The following RRP12 variants were observed in gnomAD, a reference collection of about 807,000 sequenced individuals.
RRP12 encodes RRP12-like protein.
In RRP12, 78 loss-of-function variants were observed where a neutral mutation model predicts 157.3. That is an observed-to-expected ratio of 0.50 (90% confidence interval 0.41 to 0.60). The LOEUF (loss-of-function observed/expected upper bound fraction) is 0.60. Ranked by LOEUF, RRP12 falls within the 20% of genes least tolerant of loss-of-function variation. The pLI, the probability that RRP12 is intolerant of heterozygous loss-of-function variation, is 0.00. For missense variants in RRP12, 1,521 were observed against 1,679.9 expected, an observed-to-expected ratio of 0.91 and a Z score of 1.65; for synonymous variants, 726 against 670.9, an observed-to-expected ratio of 1.08 and a Z score of -1.27.
intron 6 of RRP12, among the ~76,000 whole-genome samples, chr10:97,389,975 A>G (rs1844755316): frequency 6.6e-6 from 1 of 152,170 alleles, no homozygotes; most frequent in Non-Finnish European, 1.5e-5. Flanking sequence ...GGCCTCCCAA[A>G]GTGCTGGGAT....
At chr10:97,390,624 G>A (rs1844776944) in intron 5 of RRP12, 85 bp from the exon 6 acceptor site, 9 of 1,353,146 alleles carry the variant, frequency 6.7e-6, no homozygotes, top group Admixed American at 3.4e-5. Context: ...CCAGAAAATC[G>A]CATCTGTCTG....
chr10:97,367,496 TTGCTAAATGGCCATAGA>T (rs1844023255), intron 25 of RRP12: 1 of 259,222 alleles, frequency 3.9e-6, no homozygotes, highest in Non-Finnish European at 7.6e-6. Flanking sequence ...GATAAAGTGT[TTGCTAAATGGCCATAGA>T]GGTGGGAGTT....
rs1457113738 is a variant in RRP12 at position 97,372,809 on chromosome 10, G to A, written c.2182-6C>T. On this transcript the variant is annotated splice_region_variant and splice_polypyrimidine_tract_variant and intron_variant, in intron 18 of 33. Coordinates refer to ENST00000370992, the MANE Select transcript of RRP12 (RefSeq NM_015179.4). Reference sequence around the variant, plus strand: ...TCCAGGAGACTGTTCACCAACTTGTGGCCCCGAGGGAATGAGGAGAAGAGA... The same window carrying A: ...TCCAGGAGACTGTTCACCAACTTGTAGCCCCGAGGGAATGAGGAGAAGAGA... The A allele has an allele frequency of 2.6e-6, 4 of 1,559,826 alleles. No individual in the cohort carries two copies. In the African/African-American group the frequency reaches 4.1e-5, roughly 16 times the overall value.
intron 24 of RRP12, 73 bp from the exon 25 acceptor site, chr10:97,369,655 A>G: frequency 2.1e-6 from 3 of 1,450,010 alleles, no homozygotes; most frequent in Non-Finnish European, 2.8e-6. Context: ...CCACTGGAAA[A>G]CAGCCACTCA....
chr10:97,373,095 C>T lies in RRP12; in HGVS notation c.2132G>A (p.Arg711Gln), dbSNP rs774070943. 16 of 1,614,028 alleles carry T rather than the reference C, an allele frequency of 9.9e-6. No individual in the cohort carries two copies. Among genetic ancestry groups the T allele is most frequent in the Middle Eastern group, 3.3e-4 (2 of 6,062 alleles). Residue 711 changes from arginine to glutamine, a missense_variant, in exon 18 of 34, where the codon CGG (arginine) becomes CAG (glutamine). Arg to Gln is a conservative substitution (Grantham distance 43, BLOSUM62 1). Coordinates refer to ENST00000370992, the MANE Select transcript of RRP12 (RefSeq NM_015179.4). The stretch of plus-strand genomic sequence containing the variant: ...AGTTCTGATGGTTTCCAGCACAGCC[C>T]GGCGAGGGGCTGGAGTGTCCCCGGC... ...VAAGDTPAPR[R>Q]AVLETIRTYL...
chr10:97,373,262 TG>T, intron 17 of RRP12, 62 bp from the exon 18 acceptor site: 1 of 1,554,064 alleles, frequency 6.4e-7, no homozygotes, highest in South Asian at 1.2e-5. Context: ...CAGTGGCTGC[TG>T]GGGCTGTGGC....
chr10:97,370,376 C>T (rs1204963912), intron 23 of RRP12, 79 bp downstream of exon 23: 6 of 1,364,780 alleles, frequency 4.4e-6, no homozygotes, highest in Non-Finnish European at 6.1e-6. Context: ...GCACAGAGCT[C>T]TCCCCACCTT....
Position 97,397,990 on chromosome 10 carries a change from T to C in RRP12, c.370-1689A>G, listed in dbSNP as rs1201990653. On this transcript the variant is annotated intron_variant, in intron 2 of 33. Coordinates refer to ENST00000370992, the MANE Select transcript of RRP12 (RefSeq NM_015179.4). Reference sequence around the variant, plus strand: ...AATAACAAAATTGGGTAAAAAAAAATACGTATATATATATACATATATATA... The same window carrying C: ...AATAACAAAATTGGGTAAAAAAAAACACGTATATATATATACATATATATA... Among the ~76,000 whole-genome samples the C allele has an allele frequency of 3.4e-4, 24 of 70,584 alleles. 1 individual carries two copies. Among genetic ancestry groups the C allele is most frequent in the Non-Finnish European group, 6.6e-4 (24 of 36,588 alleles). 46.3% of individuals were successfully genotyped at this position (70,584 alleles called of 152,430 possible). A position where few individuals can be genotyped will look rare whatever the true frequency, so the allele number is the denominator to read the frequency against.
chr10:97,390,165 T>G (rs1537646), intron 6 of RRP12, among the ~76,000 whole-genome samples: 1 of 151,602 alleles, frequency 6.6e-6, no homozygotes. Context: ...AATAGACATA[T>G]GGGGAGAGTC....
In RRP12 at chr10:97,388,275, T is replaced by C. The variant is rs1844694744; in HGVS notation, c.994A>G (p.Arg332Gly). ...ACCACATGGCTCAAGGTCATGACCC[T>C]GAGGAGAGTCTCACTGCAGCTCTTC... is the stretch of plus-strand genomic sequence containing the variant. ...LVKSCSETLL[R>G]VMTLSHVLVT... The change falls in exon 8 of 34, where the codon AGG becomes GGG. Residue 332 changes from arginine to glycine, a missense_variant. Arg to Gly is a moderately radical substitution (Grantham distance 125). Transcript: ENST00000370992. 2.5e-6 allele frequency: 4 copies of C among 1,614,062 alleles called. No individual in the cohort carries two copies. The highest frequency in any genetic ancestry group is 3.3e-4 in the Middle Eastern group (2 of 6,054).
chr10:97,379,244 C>A, intron 15 of RRP12, 49 bp downstream of exon 15: 1 of 1,607,038 alleles, frequency 6.2e-7, no homozygotes, highest in South Asian at 1.1e-5. Context: ...GTGGAGGTTC[C>A]AGGACTGTGG....
At position 97,384,080 on chromosome 10, in the gene RRP12, G is replaced by A. The variant is rs560728618; in HGVS notation, c.1208+1086C>T. On this transcript the variant is annotated intron_variant, in intron 10 of 33. Transcript: ENST00000370992. ...TCCGGCTCACGTCCCCTCCACCTCC[G>A]GCAGCCAGGACGGAGGCCCTGAGCA... Among the ~76,000 whole-genome samples, 7 of 123,728 alleles carry A rather than the reference G, an allele frequency of 5.7e-5. No homozygotes were observed. In the East Asian group the frequency reaches 7.0e-4, roughly 12 times the overall value. The allele number at this position is 123,728 out of a possible 152,430, so 81.2% of individuals were successfully genotyped here.
In RRP12 at chr10:97,387,839, G is replaced by A. The variant is rs1204768417; in HGVS notation, c.1017+413C>T. ...TGCCTGTAATCCCAGCTACTTGGGAGGCTGAGGCAGAAGAATCGCTTGAAC... is the reference window on the plus strand; with the variant it reads ...TGCCTGTAATCCCAGCTACTTGGGAAGCTGAGGCAGAAGAATCGCTTGAAC... On this transcript the variant is annotated intron_variant, in intron 8 of 33. Transcript: ENST00000370992. Among the ~76,000 whole-genome samples, 6 of 150,552 alleles carry A rather than the reference G, an allele frequency of 4.0e-5. No individual in the cohort carries two copies. The East Asian group carries it at 1.2e-3, about 30-fold the overall frequency.
chr10:97,400,228 T>C lies in RRP12; in HGVS notation c.369+77A>G, dbSNP rs547193758. The C allele has an allele frequency of 1.5e-5, 16 of 1,058,818 alleles. No individual in the cohort carries two copies. The South Asian group carries it at 1.9e-4, about 13-fold the overall frequency. 65.6% of individuals were successfully genotyped at this position (1,058,818 alleles called of 1,614,324 possible). On this transcript the variant is annotated intron_variant, in intron 2 of 33. Coordinates refer to ENST00000370992, the MANE Select transcript of RRP12 (RefSeq NM_015179.4). The stretch of plus-strand genomic sequence containing the variant: ...ATACCAGCTGTTGTCATCGGAGACC[T>C]GTCGGCCAGAGCTGAAGAAAAGGCA...
chr10:97,381,473 T>C lies in RRP12; in HGVS notation c.1331A>G (p.Lys444Arg). Reference sequence around the variant, plus strand: ...AGCCATGTGGGGAGCCACGCATTCCTTCAGGATCTCCTGCGAAGAGAGGCC... The same window carrying C: ...AGCCATGTGGGGAGCCACGCATTCCCTCAGGATCTCCTGCGAAGAGAGGCC... ...AATQSLKEIL[K>R]ECVAPHMADI... The change falls in exon 12 of 34, where the codon AAG becomes AGG. Residue 444 changes from lysine (K) to arginine (R), a missense_variant. Transcript: ENST00000370992. 6.2e-7 allele frequency: 1 copy of C among 1,611,680 alleles called. No homozygotes were observed. Among genetic ancestry groups the C allele is most frequent in the South Asian group, 1.1e-5 (1 of 90,560 alleles).
Position 97,366,573 on chromosome 10 carries a change from C to T in RRP12, c.3264G>A (p.Glu1088=), listed in dbSNP as rs200010385. The part of the protein sequence containing the change: ...ADSEDEEDNE[E]EERSRGKEQR... ...GCTCCTTGCCTCGGCTTCTTTCCTC[C>T]TCCTCATTGTCCTCCTCGTCCTCTG... Residue 1088 remains glutamate (E), a synonymous_variant, in exon 28 of 34, where the codon GAG becomes GAA. Coordinates refer to ENST00000370992, the MANE Select transcript of RRP12 (RefSeq NM_015179.4). 12 of 1,614,140 alleles carry T rather than the reference C, an allele frequency of 7.4e-6. No individual in the cohort carries two copies. The East Asian group carries it at 2.7e-4, about 36-fold the overall frequency.
At position 97,399,523 on chromosome 10, in the gene RRP12, TA is replaced by T. The variant is rs144256288; in HGVS notation, c.369+781del. ...AGAATTTTGACATTTTTTATTTCAA[TA>T]ACAAAAAATATATATAACTTTATAG... On this transcript the variant is annotated intron_variant, in intron 2 of 33. Transcript: ENST00000370992. 6.6e-5 allele frequency among the ~76,000 whole-genome samples: 10 copies of T among 151,714 alleles called. No homozygotes were observed. The East Asian group carries it at 1.6e-3, about 24-fold the overall frequency.
chr10:97,391,813 T>C (rs1015982869), intron 4 of RRP12, among the ~76,000 whole-genome samples: 2 of 151,490 alleles, frequency 1.3e-5, no homozygotes, highest in Non-Finnish European at 2.9e-5. Context: ...CCCAGCTACT[T>C]GACAGGCTGA....
At chr10:97,380,744 A>G (rs1844442544) in intron 13 of RRP12, 55 bp downstream of exon 13, 1 of 1,292,758 alleles carries the variant, frequency 7.7e-7, no homozygotes, top group African/African-American at 1.5e-5. Context: ...CCAGGAGCCC[A>G]TAGTCCAAGA....
Sources: gnomAD v4.1 joint callset for allele counts (sites outside exome capture counted in the v4.1 genomes callset) on GRCh38, gnomAD v4.1.1 for gene constraint, MANE v1.5 for transcripts, NCBI Gene and HGNC (gene_info 2026-07-23, HGNC 2026-07-21) for gene names.